Variants in CUTC observed in about 807,000 individuals in gnomAD.
The protein encoded by CUTC is cutC copper transporter, also known as copper homeostasis protein cutC homolog.
Under a neutral mutation model 36.2 loss-of-function variants are expected in CUTC, and 27 were observed. The ratio of observed to expected loss-of-function variants is 0.75; its 90% CI spans 0.55 to 1.03. The LOEUF is 1.03. Ranked by LOEUF, CUTC falls within the 50% of genes least tolerant of loss-of-function variation. The pLI is 0.00. For synonymous variants in CUTC, 114 were observed against 118.3 expected (o/e 0.96, Z 0.24); for missense variants, 315 against 343.5 (o/e 0.92, Z 0.66).
At chr10:99,746,116 G>T (rs1213831918) in intron 5 of CUTC, among the ~76,000 whole-genome samples, 2 of 152,084 alleles carry the variant, frequency 1.3e-5, no homozygotes, top group African/African-American at 4.8e-5. Context: ...TACCATATAT[G>T]AGTGCTACCT....
chr10:99,744,018 T>C lies in CUTC; in HGVS notation c.404-19T>C, dbSNP rs909470274. 9 of 1,607,636 alleles carry C rather than the reference T, an allele frequency of 5.6e-6. No homozygotes were observed. Among genetic ancestry groups the C allele is most frequent in the African/African-American group, 1.3e-5 (1 of 74,744 alleles). ...GATGACATCTTCATTCATGTTGTTA[T>C]ATGACTTTCTTTTTATAGCTATTTG... is the stretch of plus-strand genomic sequence containing the variant. On this transcript the variant is annotated intron_variant, in intron 4 of 8. Coordinates refer to ENST00000370476, the MANE Select transcript of CUTC (RefSeq NM_015960.3).
rs1036564344 is a variant in CUTC, at chr10:99,744,079, C to T, written c.439+7C>T. On this transcript the variant is annotated splice_region_variant and intron_variant, in intron 5 of 8. Coordinates refer to ENST00000370476, the MANE Select transcript of CUTC (RefSeq NM_015960.3). ...CCAGTCACTTTCCACCGAGGTGAGT[C>T]ATTTTCATTTTAAAAGTTCTATTGA... 3 of 1,609,280 alleles carry T rather than the reference C, an allele frequency of 1.9e-6. No individual in the cohort carries two copies. The African/African-American group carries it at 4.0e-5, about 22-fold the overall frequency.
intron 5 of CUTC, 115 bp downstream of exon 5, chr10:99,744,187 G>T (rs759583581): frequency 3.4e-4 from 256 of 760,370 alleles, no homozygotes; most frequent in Non-Finnish European, 8.5e-5. Flanking sequence ...TTACCAATTG[G>T]TTTTTTAGAT....
intron 5 of CUTC, among the ~76,000 whole-genome samples, chr10:99,744,352 A>C (rs780537838): frequency 6.6e-6 from 1 of 152,244 alleles, no homozygotes; most frequent in Non-Finnish European, 1.5e-5. Context: ...TGTACCTATC[A>C]TAGCATTCCA....
intron 6 of CUTC, among the ~76,000 whole-genome samples, chr10:99,748,330 TA>T (rs2037393917): frequency 1.3e-5 from 2 of 152,240 alleles, no homozygotes; most frequent in African/African-American, 2.4e-5. Context: ...TTACTGCTAT[TA>T]TTAATAATAC....
intron 7 of CUTC, among the ~76,000 whole-genome samples, chr10:99,753,084 T>C (rs2037431360): frequency 6.6e-6 from 1 of 152,226 alleles, no homozygotes; most frequent in African/African-American, 2.4e-5. Flanking sequence ...AAACTAGTTC[T>C]GTGGGATCCT....
chr10:99,746,595 T>G (rs948794873), intron 5 of CUTC, among the ~76,000 whole-genome samples: 1 of 152,150 alleles, frequency 6.6e-6, no homozygotes, highest in Non-Finnish European at 1.5e-5. Flanking sequence ...CTTATCTGCA[T>G]TTAAGTAAAT....
Position 99,736,265 on chromosome 10 carries a change from C to T in CUTC, c.81C>T (p.Leu27=), listed in dbSNP as rs1753374361. 1.7e-5 allele frequency: 28 copies of T among 1,613,742 alleles called. No homozygotes were observed. The highest frequency in any genetic ancestry group is 2.3e-5 in the Non-Finnish European group (27 of 1,179,852). ...SGKAGAANGF[L]MEVCVDSVES... is the part of the protein sequence containing the mutation. The stretch of plus-strand genomic sequence containing the variant: ...TTTTAGGAGCAGCAAATGGATTTCT[C>T]ATGGAAGTTTGTGTTGATTCAGTGG... Residue 27 remains leucine (L), a synonymous_variant, in exon 2 of 9, where the codon CTC becomes CTT. Transcript: ENST00000370476.
intron 8 of CUTC, among the ~76,000 whole-genome samples, chr10:99,755,311 C>G (rs1337054112): frequency 6.7e-6 from 1 of 150,162 alleles, no homozygotes; most frequent in Non-Finnish European, 1.5e-5. Context: ...AACATGGTGA[C>G]ACCCCATCTC....
In CUTC at chr10:99,732,272, C is replaced by T. The variant is rs1006567792; in HGVS notation, c.-77C>T. ...GCACGGGCGCGCGCAGCTGTTGACG[C>T]GCTTCTTAGCTGGTGCGCGCCGGAG... On this transcript the variant is annotated 5_prime_UTR_variant, in exon 1 of 9. Coordinates refer to ENST00000370476, the MANE Select transcript of CUTC (RefSeq NM_015960.3). 7 of 1,538,038 alleles carry T rather than the reference C, an allele frequency of 4.6e-6. No homozygotes were observed. The African/African-American group carries it at 9.7e-5, about 21-fold the overall frequency.
intron 6 of CUTC, among the ~76,000 whole-genome samples, chr10:99,748,154 T>C (rs2037392756): frequency 6.6e-6 from 1 of 152,142 alleles, no homozygotes; most frequent in Non-Finnish European, 1.5e-5. Context: ...CTATGTGATG[T>C]TGAGCAGGTT....
At chr10:99,755,179 A>T (rs1430346866) in intron 8 of CUTC, among the ~76,000 whole-genome samples, 1 of 152,136 alleles carries the variant, frequency 6.6e-6, no homozygotes, top group Admixed American at 6.5e-5. Context: ...ATTGGGAAAA[A>T]CACAATGTAA....
intron 3 of CUTC, among the ~76,000 whole-genome samples, chr10:99,740,231 C>G (rs2037331995): frequency 6.6e-6 from 1 of 152,112 alleles, no homozygotes; most frequent in Non-Finnish European, 1.5e-5. Flanking sequence ...ATGCAACTAC[C>G]ATTTCTGGTG....
At chr10:99,745,968 TAGTC>T (rs749219607) in intron 5 of CUTC, among the ~76,000 whole-genome samples, 1 of 152,216 alleles carries the variant, frequency 6.6e-6, no homozygotes, top group Non-Finnish European at 1.5e-5. Flanking sequence ...TCCAAAATAT[TAGTC>T]AGTAATGAGA....
chr10:99,749,408 A>G (rs1400477922), intron 6 of CUTC, among the ~76,000 whole-genome samples: 1 of 152,214 alleles, frequency 6.6e-6, no homozygotes, highest in East Asian at 1.9e-4. Context: ...ATTGTTCTAT[A>G]TTATTAAATC....
intron 7 of CUTC, 52 bp from the exon 8 acceptor site, chr10:99,754,477 A>G (rs564707896): frequency 1.6e-6 from 2 of 1,254,996 alleles, no homozygotes; most frequent in East Asian, 4.7e-5. Context: ...TATTCCTTAA[A>G]TTTTATGCAA....
chr10:99,738,622 C>T (rs919535444), intron 2 of CUTC, among the ~76,000 whole-genome samples: 3 of 152,096 alleles, frequency 2.0e-5, no homozygotes, highest in Non-Finnish European at 4.4e-5. Flanking sequence ...TGTGTGATAT[C>T]GTTTAACATA....
intron 3 of CUTC, among the ~76,000 whole-genome samples, chr10:99,742,275 A>G (rs544126769): frequency 2.5e-4 from 38 of 152,270 alleles, no homozygotes; most frequent in Admixed American, 7.8e-4. Flanking sequence ...GGCCAAAAGC[A>G]GAAGTCTGTG....
intron 8 of CUTC, among the ~76,000 whole-genome samples, 168 bp downstream of exon 8, chr10:99,754,802 G>A (rs180942802): frequency 1.3e-5 from 2 of 152,188 alleles, no homozygotes; most frequent in African/African-American, 4.8e-5. Context: ...AATGGTTCTT[G>A]TCCTGTCTTA....
Sources: allele counts gnomAD v4.1 joint callset (sites outside exome capture counted in the v4.1 genomes callset), GRCh38; gene constraint gnomAD v4.1.1; transcripts MANE v1.5; gene names NCBI Gene and HGNC (gene_info 2026-07-23, HGNC 2026-07-21).